Variants in TBC1D22A observed in about 807,000 individuals in gnomAD.
TBC1D22A encodes the protein TBC1 domain family member 22A.
Under a neutral mutation model 60.2 loss-of-function variants are expected in TBC1D22A, and 38 were observed. That is an observed-to-expected ratio of 0.63 (90% confidence interval 0.49 to 0.83). TBC1D22A has a LOEUF of 0.83. Among genes scored for constraint, TBC1D22A ranks in the 40% least tolerant of loss-of-function variants. The probability of loss-of-function intolerance (pLI) is 0.00; values close to 1 mark genes in which losing one functional copy is unlikely to be tolerated. For synonymous variants in TBC1D22A, 302 were observed against 281.7 expected (o/e 1.07, Z -0.72); for missense variants, 628 against 701.0 (o/e 0.90, Z 1.18).
At chr22:47,035,765 G>A (rs145383208) in intron 10 of TBC1D22A, among the ~76,000 whole-genome samples, 1 of 152,116 alleles carries the variant, frequency 6.6e-6, no homozygotes, top group Non-Finnish European at 1.5e-5. Context: ...TTGGAAACCA[G>A]CCCCTGTCCT....
Position 47,122,957 on chromosome 22 carries a change from A to T in TBC1D22A, c.1425+11354A>T, listed in dbSNP as rs565855169. On this transcript the variant is annotated intron_variant, in intron 12 of 12. Transcript: ENST00000337137. ...AGGGTAATTAAAGGTTGCTTTAAAGATCAATGGCAGCTTTAGAATTATACC... is the reference window on the plus strand; with the variant it reads ...AGGGTAATTAAAGGTTGCTTTAAAGTTCAATGGCAGCTTTAGAATTATACC... 2.0e-5 allele frequency among the ~76,000 whole-genome samples: 3 copies of T among 152,366 alleles called. No individual in the cohort carries two copies. In the East Asian group the frequency reaches 5.8e-4, roughly 29 times the overall value.
intron 8 of TBC1D22A, among the ~76,000 whole-genome samples, chr22:46,959,274 C>T (rs1483872430): frequency 2.0e-5 from 3 of 152,158 alleles, no homozygotes; most frequent in Non-Finnish European, 4.4e-5. Context: ...GTGAGGGTGG[C>T]ACAAGAGAAG....
chr22:46,821,881 C>T (rs995351565), intron 4 of TBC1D22A, among the ~76,000 whole-genome samples: 13 of 152,048 alleles, frequency 8.5e-5, no homozygotes, highest in Admixed American at 6.6e-4. Context: ...TCCAGGCAAT[C>T]GTAGGTTCGG....
chr22:46,895,772 G>A (rs1390502308), intron 7 of TBC1D22A, among the ~76,000 whole-genome samples: 2 of 152,136 alleles, frequency 1.3e-5, no homozygotes, highest in Non-Finnish European at 2.9e-5. Context: ...CTTCCTGTTG[G>A]ACATTTGGGT....
At chr22:46,932,181 G>T (rs1036098303) in intron 8 of TBC1D22A, among the ~76,000 whole-genome samples, 6 of 152,182 alleles carry the variant, frequency 3.9e-5, no homozygotes, top group Admixed American at 6.5e-5. Flanking sequence ...CAGACACTGC[G>T]CTAAGCAGGT....
At chr22:46,927,126 C>T (rs1177791930) in intron 8 of TBC1D22A, among the ~76,000 whole-genome samples, 1 of 152,108 alleles carries the variant, frequency 6.6e-6, no homozygotes, top group East Asian at 1.9e-4. Context: ...ACTCTGAGAC[C>T]AAAGTGAGAT....
chr22:46,770,343 G>A (rs184439561), intron 1 of TBC1D22A, among the ~76,000 whole-genome samples: 2 of 152,226 alleles, frequency 1.3e-5, no homozygotes, highest in African/African-American at 4.8e-5. Context: ...TTCTCCCTTC[G>A]AGCCTCCCGG....
intron 11 of TBC1D22A, among the ~76,000 whole-genome samples, chr22:47,051,503 T>G (rs1053824492): frequency 1.3e-5 from 2 of 152,142 alleles, no homozygotes; most frequent in East Asian, 3.9e-4. Context: ...AGGGGTGGCT[T>G]CGGGAGCCGG....
chr22:47,013,640 G>C (rs1240832362), intron 10 of TBC1D22A, among the ~76,000 whole-genome samples: 1 of 152,278 alleles, frequency 6.6e-6, no homozygotes, highest in Middle Eastern at 3.4e-3. Context: ...TTGCCTTTCC[G>C]GGCCAGGGCT....
intron 11 of TBC1D22A, among the ~76,000 whole-genome samples, chr22:47,096,473 T>C (rs2065176252): frequency 6.6e-6 from 1 of 152,246 alleles, no homozygotes. Flanking sequence ...ATAGTGTCTT[T>C]TGTCATACAG....
At chr22:46,803,319 G>A (rs1375649995) in intron 4 of TBC1D22A, among the ~76,000 whole-genome samples, 3 of 152,174 alleles carry the variant, frequency 2.0e-5, no homozygotes, top group South Asian at 2.1e-4. Flanking sequence ...CCCCGGGCTG[G>A]GCTCCCAGCC....
intron 9 of TBC1D22A, among the ~76,000 whole-genome samples, chr22:46,985,778 C>T (rs79539292): frequency 6.6e-6 from 1 of 152,138 alleles, no homozygotes; most frequent in African/African-American, 2.4e-5. Context: ...CGTCAGAATG[C>T]GATTTCTCCA....
chr22:46,870,874 C>T (rs1025959076), intron 4 of TBC1D22A, among the ~76,000 whole-genome samples: 4 of 152,168 alleles, frequency 2.6e-5, no homozygotes, highest in Non-Finnish European at 4.4e-5. Flanking sequence ...ACCTAAACAC[C>T]TTCCCACAAG....
At chr22:46,964,993 T>C (rs1444754819) in intron 8 of TBC1D22A, among the ~76,000 whole-genome samples, 1 of 152,178 alleles carries the variant, frequency 6.6e-6, no homozygotes, top group African/African-American at 2.4e-5. Context: ...GGAGCAGAAC[T>C]TTGGGGCCGA....
chr22:46,779,440 G>A (rs2083844570), intron 1 of TBC1D22A, among the ~76,000 whole-genome samples: 1 of 152,024 alleles, frequency 6.6e-6, no homozygotes, highest in African/African-American at 2.4e-5. Flanking sequence ...TGTATTTTTA[G>A]TAGAGACGGG....
intron 11 of TBC1D22A, among the ~76,000 whole-genome samples, chr22:47,087,149 G>A (rs117900048): frequency 4.6e-5 from 7 of 152,306 alleles, no homozygotes; most frequent in African/African-American, 9.6e-5. Flanking sequence ...GAGTATGAGC[G>A]TACACGCATA....
At chr22:47,106,438 A>G (rs751435160) in intron 11 of TBC1D22A, among the ~76,000 whole-genome samples, 5 of 152,250 alleles carry the variant, frequency 3.3e-5, no homozygotes, top group Non-Finnish European at 7.3e-5. Context: ...AGGAATGACA[A>G]ATAGATTGAT....
At chr22:47,029,656 G>A (rs890397893) in intron 10 of TBC1D22A, among the ~76,000 whole-genome samples, 15 of 152,144 alleles carry the variant, frequency 9.9e-5, no homozygotes, top group African/African-American at 3.6e-4. Context: ...TTCTGGGGCG[G>A]GGATGGCAGG....
At chr22:47,077,039 C>T (rs535106003) in intron 11 of TBC1D22A, among the ~76,000 whole-genome samples, 133 of 152,292 alleles carry the variant, frequency 8.7e-4, no homozygotes, top group Non-Finnish European at 1.4e-3. Context: ...CTTCTGCCTG[C>T]GTATTATTGG....
Sources: allele counts gnomAD v4.1 joint callset (sites outside exome capture counted in the v4.1 genomes callset), GRCh38; gene constraint gnomAD v4.1.1; transcripts MANE v1.5; gene names NCBI Gene and HGNC (gene_info 2026-07-23, HGNC 2026-07-21).